Variants in PTPRT observed in about 807,000 individuals in gnomAD.
The protein encoded by PTPRT is receptor-type tyrosine-protein phosphatase T.
Under a neutral mutation model 176.8 loss-of-function variants are expected in PTPRT, and 56 were observed. The observed-to-expected ratio is 0.32, with a 90% confidence interval of 0.26 to 0.40. The LOEUF (loss-of-function observed/expected upper bound fraction) is 0.40. PTPRT is among the 10% of genes least tolerant of loss of function. The pLI is 1.00. For synonymous variants in PTPRT, 783 were observed against 739.0 expected (o/e 1.06, Z -0.96); for missense variants, 1,540 against 1,908.2 (o/e 0.81, Z 3.60).
chr20:42,324,633 A>G (rs946876211), intron 11 of PTPRT, among the ~76,000 whole-genome samples: 1 of 152,184 alleles, frequency 6.6e-6, no homozygotes. Flanking sequence ...ACAAAATGCT[A>G]TGATAAACCA....
intron 1 of PTPRT, among the ~76,000 whole-genome samples, chr20:42,992,803 G>T (rs1431710417): frequency 6.6e-6 from 1 of 152,216 alleles, no homozygotes; most frequent in Non-Finnish European, 1.5e-5. Context: ...CATAGAGACT[G>T]ATGCAGCTAA....
chr20:42,915,970 T>C (rs62204003), intron 1 of PTPRT, among the ~76,000 whole-genome samples: 3,185 of 152,146 alleles, frequency 0.021, 46 homozygotes, highest in Non-Finnish European at 0.029. Context: ...TTGTTTTTAT[T>C]ATTATTATTA....
intron 1 of PTPRT, among the ~76,000 whole-genome samples, chr20:42,954,516 G>A (rs1432633547): frequency 6.6e-6 from 1 of 152,192 alleles, no homozygotes; most frequent in Non-Finnish European, 1.5e-5. Flanking sequence ...AGCTCTGCCA[G>A]CCTACAAGTT....
intron 2 of PTPRT, among the ~76,000 whole-genome samples, chr20:42,843,986 C>T (rs752964027): frequency 2.0e-5 from 3 of 152,110 alleles, no homozygotes; most frequent in Non-Finnish European, 2.9e-5. Flanking sequence ...TAAAATTCAT[C>T]GTAACAATAG....
intron 16 of PTPRT, among the ~76,000 whole-genome samples, chr20:42,182,769 G>A (rs1990573469): frequency 6.6e-6 from 1 of 152,094 alleles, no homozygotes; most frequent in South Asian, 2.1e-4. Context: ...AGCAAGCAGG[G>A]AGATCTAGTC....
At chr20:42,802,301 C>T (rs1337971950) in intron 2 of PTPRT, among the ~76,000 whole-genome samples, 1 of 152,222 alleles carries the variant, frequency 6.6e-6, no homozygotes, top group Non-Finnish European at 1.5e-5. Context: ...AATGGTGCTA[C>T]CACAGGGGTG....
intron 2 of PTPRT, among the ~76,000 whole-genome samples, chr20:42,805,617 T>G (rs553713169): frequency 2.0e-5 from 3 of 152,218 alleles, no homozygotes; most frequent in Non-Finnish European, 4.4e-5. Context: ...ATAGGGCTCC[T>G]GTAGACGCCC....
chr20:42,860,236 C>T (rs1378136216), intron 2 of PTPRT, among the ~76,000 whole-genome samples: 1 of 152,126 alleles, frequency 6.6e-6, no homozygotes, highest in Non-Finnish European at 1.5e-5. Context: ...CACACACACC[C>T]CTCTGTTTTA....
At chr20:42,757,331 A>T (rs1415402634) in intron 5 of PTPRT, among the ~76,000 whole-genome samples, 2 of 152,146 alleles carry the variant, frequency 1.3e-5, no homozygotes, top group Non-Finnish European at 2.9e-5. Flanking sequence ...AACCCAGCCC[A>T]TGGAGAATAA....
Position 42,073,610 on chromosome 20 carries a change from G to A in PTPRT, c.*7269C>T, listed in dbSNP as rs150605782. On this transcript the variant is annotated 3_prime_UTR_variant, in exon 31 of 31. Coordinates refer to ENST00000373187, the MANE Select transcript of PTPRT (RefSeq NM_007050.6). Reference sequence around the variant, plus strand: ...GCTGCTCTCATGAGAGATCTACATGGGTATTGGGTCTATGGCAAAGCAGCT... The same window carrying A: ...GCTGCTCTCATGAGAGATCTACATGAGTATTGGGTCTATGGCAAAGCAGCT... The A allele has an allele frequency of 1.8e-5, 4 of 220,944 alleles. No homozygotes were observed. The highest frequency in any genetic ancestry group is 3.6e-5 in the Non-Finnish European group (4 of 111,272). The allele number at this position is 220,944 out of a possible 1,614,324, so 13.7% of individuals were successfully genotyped here. A position where few individuals can be genotyped will look rare whatever the true frequency, so the allele number is the denominator to read the frequency against.
chr20:42,431,572 G>A (rs2059215969), intron 9 of PTPRT, among the ~76,000 whole-genome samples: 1 of 152,036 alleles, frequency 6.6e-6, no homozygotes, highest in Non-Finnish European at 1.5e-5. Context: ...AAAATACAAG[G>A]CAAAATTAGC....
intron 17 of PTPRT, 60 bp from the exon 18 acceptor site, chr20:42,142,062 G>T: frequency 1.4e-6 from 2 of 1,458,174 alleles, no homozygotes; most frequent in Non-Finnish European, 1.9e-6. Context: ...TGGAAGTGGA[G>T]ATGAACCAAC....
chr20:42,635,475 T>C (rs2074575257), intron 7 of PTPRT, among the ~76,000 whole-genome samples: 1 of 152,268 alleles, frequency 6.6e-6, no homozygotes, highest in East Asian at 1.9e-4. Context: ...ATGTGCTGCA[T>C]TTCCACATTT....
chr20:42,760,963 A>G (rs2076906371), intron 5 of PTPRT, among the ~76,000 whole-genome samples: 1 of 152,182 alleles, frequency 6.6e-6, no homozygotes, highest in Admixed American at 6.5e-5. Context: ...TAAGATTGTA[A>G]AAACAGTAGA....
At chr20:42,527,985 T>A (rs2072308993) in intron 7 of PTPRT, among the ~76,000 whole-genome samples, 1 of 152,250 alleles carries the variant, frequency 6.6e-6, no homozygotes, top group Admixed American at 6.5e-5. Context: ...CTCTCTTGTT[T>A]AAAATCCTTC....
intron 7 of PTPRT, among the ~76,000 whole-genome samples, chr20:42,491,070 A>C (rs547398677): frequency 6.6e-6 from 1 of 152,182 alleles, no homozygotes; most frequent in Non-Finnish European, 1.5e-5. Flanking sequence ...AAAGTAGTGA[A>C]TTGCACGAAC....
chr20:42,276,496 A>AATATATATATATAT (rs61484693), intron 13 of PTPRT, among the ~76,000 whole-genome samples: 4 of 44,202 alleles, frequency 9.0e-5, no homozygotes, highest in Non-Finnish European at 1.9e-4. Context: ...GAAAGAAGGA[A>AATATATATATATAT]ATATATATAT....
chr20:42,079,951 A>G lies in PTPRT; in HGVS notation c.*928T>C, dbSNP rs550472073. On this transcript the variant is annotated 3_prime_UTR_variant, in exon 31 of 31. Transcript: ENST00000373187. ...CCCCTTCTTTTTGACATAAGAGACT[A>G]AGATTTTACACCCTCCAAAAGAAAG... 4.7e-5 allele frequency: 11 copies of G among 232,526 alleles called. No homozygotes were observed. The East Asian group carries it at 6.7e-4, about 14-fold the overall frequency. 14.4% of individuals were successfully genotyped at this position (232,526 alleles called of 1,614,324 possible). A position where few individuals can be genotyped will look rare whatever the true frequency, so the allele number is the denominator to read the frequency against.
At chr20:42,285,910 A>G (rs187835134) in intron 12 of PTPRT, among the ~76,000 whole-genome samples, 1 of 152,148 alleles carries the variant, frequency 6.6e-6, no homozygotes, top group Admixed American at 6.6e-5. Context: ...CCTAAAAAAT[A>G]CAAAAATCAG....
Sources: allele counts gnomAD v4.1 joint callset (sites outside exome capture counted in the v4.1 genomes callset), GRCh38; gene constraint gnomAD v4.1.1; transcripts MANE v1.5; gene names NCBI Gene and HGNC (gene_info 2026-07-23, HGNC 2026-07-21).